The following ARSK variants were observed in gnomAD, a reference collection of about 807,000 sequenced individuals.
The protein encoded by ARSK is arylsulfatase K.
In ARSK, 37 loss-of-function variants were observed where a neutral mutation model predicts 53.2. The observed-to-expected ratio is 0.70, with a 90% CI of 0.54 to 0.92. The LOEUF is 0.92. ARSK is among the 40% of genes least tolerant of loss of function. The pLI is 0.00. For synonymous variants in ARSK, 208 were observed against 223.2 expected (o/e 0.93, Z 0.61); for missense variants, 613 against 643.0 (o/e 0.95, Z 0.51).
chr5:95,559,376 G>A (rs1332381485), intron 1 of ARSK, among the ~76,000 whole-genome samples: 1 of 152,126 alleles, frequency 6.6e-6, no homozygotes, highest in Non-Finnish European at 1.5e-5. Context: ...TCCTATCCAT[G>A]GGTTCCACAG....
chr5:95,566,194 A>C (rs1422540482), intron 2 of ARSK, 67 bp downstream of exon 2: 1 of 1,547,568 alleles, frequency 6.5e-7, no homozygotes, highest in African/African-American at 1.4e-5. Context: ...ACAGTTTAAA[A>C]GATTATACCT....
Position 95,586,577 on chromosome 5 carries a change from A to T in ARSK, c.715A>T (p.Ile239Phe). Residue 239 changes from isoleucine (I) to phenylalanine (F), a missense_variant, in exon 5 of 8, where the codon ATC (isoleucine) becomes TTC (phenylalanine). By Grantham distance (21) the Ile-to-Phe change is conservative (BLOSUM62 0). Coordinates refer to ENST00000380009, the MANE Select transcript of ARSK (RefSeq NM_198150.3). Reference sequence around the variant, plus strand: ...CCCTTTTTAGGTGTCTCATGATGCCATCAAAATCCCAAAGTGGTCACCTTT... The same window carrying T: ...CCCTTTTTAGGTGTCTCATGATGCCTTCAAAATCCCAAAGTGGTCACCTTT... ...YWLEKVSHDA[I>F]KIPKWSPLSE... The T allele has an allele frequency of 6.2e-7, 1 of 1,612,044 alleles. No individual in the cohort carries two copies. Among genetic ancestry groups the T allele is most frequent in the Non-Finnish European group, 8.5e-7 (1 of 1,179,332 alleles).
At position 95,594,603 on chromosome 5, in the gene ARSK, A is replaced by T. The variant is rs1420261662; in HGVS notation, c.1096+2978A>T. Among the ~76,000 whole-genome samples the T allele has an allele frequency of 2.0e-5, 3 of 152,210 alleles. No individual in the cohort carries two copies. In the East Asian group the frequency reaches 5.8e-4, roughly 29 times the overall value. On this transcript the variant is annotated intron_variant, in intron 6 of 7. Transcript: ENST00000380009. The stretch of plus-strand genomic sequence containing the variant: ...ACGCCTGTAATCCCAACACTTTGGG[A>T]GGTGGAGGCGGGTGGATCACGAGGT...
At chr5:95,577,690 T>A (rs773945138) in intron 3 of ARSK, among the ~76,000 whole-genome samples, 1 of 152,168 alleles carries the variant, frequency 6.6e-6, no homozygotes, top group Non-Finnish European at 1.5e-5. Flanking sequence ...AGAAAATGGC[T>A]AGGTGAGATT....
At chr5:95,571,180 A>T (rs1336448603) in intron 3 of ARSK, among the ~76,000 whole-genome samples, 1 of 152,250 alleles carries the variant, frequency 6.6e-6, no homozygotes, top group East Asian at 1.9e-4. Context: ...ATGTAAGCTT[A>T]ATCTAAAGTA....
At chr5:95,595,841 A>AG (rs1174243502) in intron 6 of ARSK, among the ~76,000 whole-genome samples, 7 of 152,246 alleles carry the variant, frequency 4.6e-5, no homozygotes, top group Non-Finnish European at 8.8e-5. Context: ...TTGAAAAAAA[A>AG]AGTCAATTAA....
At chr5:95,564,587 T>C (rs1748696420) in intron 1 of ARSK, among the ~76,000 whole-genome samples, 2 of 152,172 alleles carry the variant, frequency 1.3e-5, no homozygotes, top group African/African-American at 2.4e-5. Context: ...AGTTTAGCTG[T>C]TCATCTTTAC....
intron 3 of ARSK, 82 bp downstream of exon 3, chr5:95,568,131 TA>T: frequency 1.4e-6 from 2 of 1,390,938 alleles, no homozygotes; most frequent in African/African-American, 2.9e-5. Flanking sequence ...TTAATTTTTT[TA>T]TTTTTCCACA....
Position 95,555,179 on chromosome 5 carries a change from C to G in ARSK, c.-100C>G. On this transcript the variant is annotated 5_prime_UTR_variant, in exon 1 of 8. Transcript: ENST00000380009. This position sits in a 1 kb window ranked among gnomAD's most constrained non-coding sequence, Gnocchi z 4.0. The stretch of plus-strand genomic sequence containing the variant: ...TACTATCAAGCAACCAAACTGCAAG[C>G]TTTGGGAGTTGTTCGCTGTCCCTGC... The G allele has an allele frequency of 2.5e-6, 3 of 1,185,544 alleles. No homozygotes were observed. The highest frequency in any genetic ancestry group is 2.3e-6 in the Non-Finnish European group (2 of 857,018). The allele number at this position is 1,185,544 out of a possible 1,614,324, so 73.4% of individuals were successfully genotyped here.
chr5:95,595,833 GA>G (rs972996703), intron 6 of ARSK, among the ~76,000 whole-genome samples: 1 of 150,590 alleles, frequency 6.6e-6, no homozygotes, highest in African/African-American at 2.4e-5. Context: ...GTAAAACGTT[GA>G]AAAAAAAAGT....
At chr5:95,562,558 C>T (rs1304617309) in intron 1 of ARSK, among the ~76,000 whole-genome samples, 1 of 152,198 alleles carries the variant, frequency 6.6e-6, no homozygotes, top group Non-Finnish European at 1.5e-5. Context: ...TCTGATTCTG[C>T]ATGGCCCATA....
At chr5:95,574,259 T>G in intron 3 of ARSK, among the ~76,000 whole-genome samples, 1 of 152,214 alleles carries the variant, frequency 6.6e-6, no homozygotes, top group Non-Finnish European at 1.5e-5. Context: ...TGATGGACAC[T>G]TTGGTTGCTT....
At chr5:95,559,665 C>T (rs978226131) in intron 1 of ARSK, among the ~76,000 whole-genome samples, 1 of 152,026 alleles carries the variant, frequency 6.6e-6, no homozygotes, top group African/African-American at 2.4e-5. Context: ...GAAGATTTGA[C>T]AATCCTTATG....
intron 6 of ARSK, among the ~76,000 whole-genome samples, chr5:95,594,554 CCTT>C (rs1332439183): frequency 5.9e-5 from 9 of 152,070 alleles, no homozygotes; most frequent in Admixed American, 1.3e-4. Flanking sequence ...TAGAAATAGT[CCTT>C]CTTGCTGGGC....
chr5:95,589,879 A>G (rs544821208), intron 5 of ARSK, among the ~76,000 whole-genome samples: 2 of 152,284 alleles, frequency 1.3e-5, no homozygotes, highest in African/African-American at 4.8e-5. Context: ...GGCTGAACTA[A>G]TTTACATTCC....
At chr5:95,586,198 T>C (rs1447848364) in intron 4 of ARSK, among the ~76,000 whole-genome samples, 2 of 152,200 alleles carry the variant, frequency 1.3e-5, no homozygotes, top group Non-Finnish European at 2.9e-5. Context: ...GGAGTCCGTA[T>C]TCTGAGGTTG....
chr5:95,573,435 T>C lies in ARSK; in HGVS notation c.416+5386T>C, dbSNP rs549532735. On this transcript the variant is annotated intron_variant, in intron 3 of 7. Transcript: ENST00000380009. ...AGTTACAAAAGTAAAATCAGGTATT[T>C]GTAGTATCCACTAAGCTAATATTTT... 2.6e-5 allele frequency among the ~76,000 whole-genome samples: 4 copies of C among 152,336 alleles called. No individual in the cohort carries two copies. The East Asian group carries it at 7.7e-4, about 29-fold the overall frequency.
chr5:95,586,562 G>T lies in ARSK; in HGVS notation c.700G>T (p.Val234Leu). The T allele has an allele frequency of 6.2e-7, 1 of 1,605,730 alleles. No homozygotes were observed. The highest frequency in any genetic ancestry group is 8.5e-7 in the Non-Finnish European group (1 of 1,177,518). ...ACTAAGTTTTTTCTCCCCTTTTTAGGTGTCTCATGATGCCATCAAAATCCC... is the reference window on the plus strand; with the variant it reads ...ACTAAGTTTTTTCTCCCCTTTTTAGTTGTCTCATGATGCCATCAAAATCCC... ...FHTSLYWLEK[V>L]SHDAIKIPKW... is the part of the protein sequence containing the mutation. Residue 234 changes from valine to leucine, a missense_variant and splice_region_variant, in exon 5 of 8, where the codon GTG (valine) becomes TTG (leucine). Val to Leu is a conservative substitution (Grantham distance 32). Transcript: ENST00000380009.
chr5:95,604,539 CCTTT>C lies in ARSK; in HGVS notation c.*1014_*1017del, dbSNP rs1035754291. 6.6e-6 allele frequency: 1 copy of C among 151,844 alleles called. No individual in the cohort carries two copies. The highest frequency in any genetic ancestry group is 6.6e-5 in the Admixed American group (1 of 15,226). 9.4% of individuals were successfully genotyped at this position (151,844 alleles called of 1,614,324 possible). On this transcript the variant is annotated 3_prime_UTR_variant, in exon 8 of 8. Transcript: ENST00000380009. The stretch of plus-strand genomic sequence containing the variant: ...ATTGTTCTGCATGTTGCTTCTTTTT[CCTTT>C]TTTTTTTCACTTAACAGTAGATATC...
Sources: gnomAD v4.1 joint callset for allele counts (sites outside exome capture counted in the v4.1 genomes callset) on GRCh38, gnomAD v4.1.1 for gene constraint, Gnocchi (gnomAD v3.1) non-coding constraint, MANE v1.5 for transcripts, NCBI Gene and HGNC (gene_info 2026-07-23, HGNC 2026-07-21) for gene names.